The following SCP2 variants were observed in gnomAD, a reference collection of about 807,000 sequenced individuals.
The protein encoded by SCP2 is SCP-2/3-oxoacyl-CoA thiolase.
In SCP2, 48 loss-of-function variants were observed where a neutral mutation model predicts 71.4. That is an observed-to-expected ratio of 0.67 (90% CI 0.53 to 0.86). The LOEUF is 0.86. SCP2 is among the 40% of genes least tolerant of loss of function. SCP2 has a pLI of 0.00. For synonymous variants in SCP2, 220 were observed against 218.1 expected (o/e 1.01, Z -0.08); for missense variants, 560 against 655.6 (o/e 0.85, Z 1.59).
intron 12 of SCP2, among the ~76,000 whole-genome samples, chr1:53,021,214 G>A (rs953326372): frequency 4.0e-5 from 6 of 151,626 alleles, no homozygotes; most frequent in African/African-American, 1.2e-4. Flanking sequence ...TCACCATGTC[G>A]CCCAGGTTGG....
chr1:53,033,440 C>CA (rs1557623956), intron 13 of SCP2, among the ~76,000 whole-genome samples: 1 of 151,042 alleles, frequency 6.6e-6, no homozygotes, highest in African/African-American at 2.4e-5. Flanking sequence ...CCATCTCTAC[C>CA]AAAAATACAA....
At chr1:53,005,721 T>C (rs949227130) in intron 11 of SCP2, among the ~76,000 whole-genome samples, 1 of 152,110 alleles carries the variant, frequency 6.6e-6, no homozygotes, top group African/African-American at 2.4e-5. Flanking sequence ...GCCTCTTCCC[T>C]CCAAAGGAGC....
chr1:52,932,598 A>G (rs1236126760), intron 1 of SCP2, among the ~76,000 whole-genome samples: 2 of 152,218 alleles, frequency 1.3e-5, no homozygotes, highest in Non-Finnish European at 2.9e-5. Context: ...TCAGTTTGGA[A>G]TATGTTCTGG....
chr1:52,937,878 T>C (rs1395245144), intron 1 of SCP2, among the ~76,000 whole-genome samples: 1 of 152,140 alleles, frequency 6.6e-6, no homozygotes, highest in Non-Finnish European at 1.5e-5. Context: ...GGCTGTCGCA[T>C]AGGCAGAGCA....
intron 11 of SCP2, chr1:52,993,352 G>T: frequency 1.9e-6 from 3 of 1,614,162 alleles, no homozygotes; most frequent in Non-Finnish European, 2.5e-6. Context: ...ATGCCTCCAT[G>T]TATGTTACCT....
At chr1:52,972,044 A>G (rs1162994487) in intron 6 of SCP2, among the ~76,000 whole-genome samples, 1 of 152,146 alleles carries the variant, frequency 6.6e-6, no homozygotes, top group East Asian at 1.9e-4. Flanking sequence ...TGAGGCTATC[A>G]TTTGGGGGTA....
intron 2 of SCP2, among the ~76,000 whole-genome samples, chr1:52,946,777 C>T (rs1398896297): frequency 6.9e-6 from 1 of 145,606 alleles, no homozygotes; most frequent in Non-Finnish European, 1.5e-5. Flanking sequence ...AAAAAAAAAG[C>T]CAGGCTTGGT....
At chr1:53,044,857 CT>C (rs1356124363) in intron 14 of SCP2, among the ~76,000 whole-genome samples, 1 of 152,126 alleles carries the variant, frequency 6.6e-6, no homozygotes, top group Non-Finnish European at 1.5e-5. Flanking sequence ...GTTGTCCAGT[CT>C]TTTTTCCACT....
At chr1:52,988,748 C>T (rs1038662684) in intron 11 of SCP2, among the ~76,000 whole-genome samples, 2 of 149,826 alleles carry the variant, frequency 1.3e-5, no homozygotes, top group Non-Finnish European at 3.0e-5. Flanking sequence ...AGAAGTGGCA[C>T]AATTTCGGCT....
chr1:52,928,282 T>G (rs1181814651), intron 1 of SCP2, among the ~76,000 whole-genome samples: 1 of 152,246 alleles, frequency 6.6e-6, no homozygotes, highest in Non-Finnish European at 1.5e-5. Flanking sequence ...TGGCAGCTCC[T>G]CTAGACTGGG....
chr1:52,974,455 T>C (rs915046551), intron 6 of SCP2, among the ~76,000 whole-genome samples: 6 of 152,316 alleles, frequency 3.9e-5, no homozygotes, highest in African/African-American at 1.4e-4. Context: ...AGAGGAATTG[T>C]AGTGTTCTCC....
chr1:53,044,486 A>G (rs1417318514), intron 14 of SCP2, among the ~76,000 whole-genome samples: 1 of 152,246 alleles, frequency 6.6e-6, no homozygotes, highest in African/African-American at 2.4e-5. Flanking sequence ...CTATGTGTCA[A>G]GTACTCTTCA....
chr1:52,951,884 T>C (rs1409612052), intron 4 of SCP2, among the ~76,000 whole-genome samples: 1 of 151,870 alleles, frequency 6.6e-6, no homozygotes, highest in African/African-American at 2.4e-5. Flanking sequence ...GCCTGGCTAA[T>C]TTTTTTGTAT....
At chr1:52,944,478 A>T (rs937658040) in intron 2 of SCP2, among the ~76,000 whole-genome samples, 3 of 152,186 alleles carry the variant, frequency 2.0e-5, no homozygotes, top group African/African-American at 4.8e-5. Context: ...CAGGGCAGAC[A>T]TTATTCATTT....
chr1:53,006,811 C>T (rs1257698640), intron 11 of SCP2, among the ~76,000 whole-genome samples: 1 of 152,090 alleles, frequency 6.6e-6, no homozygotes, highest in Non-Finnish European at 1.5e-5. Flanking sequence ...GGGCTAAATG[C>T]TCCAATTAAA....
intron 14 of SCP2, among the ~76,000 whole-genome samples, chr1:53,040,758 A>G (rs1663362533): frequency 6.6e-6 from 1 of 151,814 alleles, no homozygotes; most frequent in Admixed American, 6.6e-5. Context: ...ACTATTCCCT[A>G]TTGCCTTTTT....
chr1:52,951,959 T>A (rs1195217172), intron 4 of SCP2, among the ~76,000 whole-genome samples: 3 of 152,110 alleles, frequency 2.0e-5, no homozygotes, highest in African/African-American at 7.2e-5. Context: ...CCTCAAGTGA[T>A]GTGCTCACCT....
intron 6 of SCP2, among the ~76,000 whole-genome samples, chr1:52,967,437 T>C (rs2150152309): frequency 6.6e-6 from 1 of 152,310 alleles, no homozygotes; most frequent in East Asian, 1.9e-4. Flanking sequence ...TCAATTTGTA[T>C]AGAAGTCTGA....
rs776237493 is a variant in SCP2, at chr1:53,013,421, T to TA, written c.1082-1444dup. ...GAATATAGTGAAACCCCGTCTCTAC[T>TA]AAAAAAAAAAAAAAAAAAAAAAAAA... On this transcript the variant is annotated intron_variant, in intron 11 of 15. Coordinates refer to ENST00000371514, the MANE Select transcript of SCP2 (RefSeq NM_002979.5). Among the ~76,000 whole-genome samples the TA allele has an allele frequency of 3.3e-3, 381 of 117,192 alleles. 1 individual carries two copies. Among genetic ancestry groups the TA allele is most frequent in the Middle Eastern group, 0.018 (4 of 222 alleles). 76.9% of individuals were successfully genotyped at this position (117,192 alleles called of 152,430 possible). A position where few individuals can be genotyped will look rare whatever the true frequency, so the allele number is the denominator to read the frequency against.
Sources: allele counts gnomAD v4.1 joint callset (sites outside exome capture counted in the v4.1 genomes callset), GRCh38; gene constraint gnomAD v4.1.1; transcripts MANE v1.5; gene names NCBI Gene and HGNC (gene_info 2026-07-23, HGNC 2026-07-21).